Variants in PLCE1 observed in about 807,000 individuals in gnomAD.
The protein encoded by PLCE1 is 1-phosphatidylinositol 4,5-bisphosphate phosphodiesterase epsilon-1.
PLCE1 carries 119 observed loss-of-function variants against 242.8 expected under a neutral mutation model. The ratio of observed to expected loss-of-function variants is 0.49; its 90% CI spans 0.42 to 0.57. The LOEUF (loss-of-function observed/expected upper bound fraction) is 0.57. Among genes scored for constraint, PLCE1 ranks in the 20% least tolerant of loss-of-function variants. PLCE1 has a pLI of 0.00. For missense variants in PLCE1, 2,441 were observed against 2,788.8 expected (o/e 0.88, Z 2.81); for synonymous variants, 945 against 1,017.4 (o/e 0.93, Z 1.35).
At chr10:94,229,942 C>A (rs2050085757) in intron 5 of PLCE1, among the ~76,000 whole-genome samples, 1 of 152,164 alleles carries the variant, frequency 6.6e-6, no homozygotes, top group South Asian at 2.1e-4. Context: ...GCCAGATACT[C>A]TTATGATGCA....
At chr10:94,228,572 G>T (rs920912960) in intron 5 of PLCE1, among the ~76,000 whole-genome samples, 35 of 152,122 alleles carry the variant, frequency 2.3e-4, no homozygotes, top group African/African-American at 8.2e-4. Flanking sequence ...CCTCATGAGG[G>T]TTCTCACTAT....
chr10:94,033,376 A>T (rs146916168), intron 2 of PLCE1, among the ~76,000 whole-genome samples: 68 of 152,180 alleles, frequency 4.5e-4, no homozygotes, highest in Admixed American at 1.3e-3. Context: ...AACCCTTCAG[A>T]CCAAACCAGA....
At chr10:94,201,083 T>C (rs1180989406) in intron 4 of PLCE1, among the ~76,000 whole-genome samples, 3 of 152,234 alleles carry the variant, frequency 2.0e-5, no homozygotes. Flanking sequence ...GTTAATTTAG[T>C]TCATAGTCAT....
Position 94,062,580 on chromosome 10 carries a change from T to TTG in PLCE1, c.1206+30330_1206+30331dup, listed in dbSNP as rs1257286823. Reference sequence around the variant, plus strand: ...AGTGTTAGTTATTGGTTTCTTGGTTTTGTTTTTTTTTTTGTTTTGTTTTGT... The same window carrying TTG: ...AGTGTTAGTTATTGGTTTCTTGGTTTTGTGTTTTTTTTTTTGTTTTGTTTTGT... On this transcript the variant is annotated intron_variant, in intron 2 of 32. Transcript: ENST00000371380. Among the ~76,000 whole-genome samples the TTG allele has an allele frequency of 1.5e-3, 5 of 3,334 alleles. No homozygotes were observed. The East Asian group carries it at 0.05, about 33-fold the overall frequency. 2.2% of individuals were successfully genotyped at this position (3,334 alleles called of 152,430 possible).
chr10:94,024,853 T>A (rs973427138), intron 1 of PLCE1, among the ~76,000 whole-genome samples: 1 of 152,140 alleles, frequency 6.6e-6, no homozygotes, highest in African/African-American at 2.4e-5. Context: ...ATTTCACTCT[T>A]CTGTACTCTT....
chr10:94,150,797 TATATG>T (rs1289655771), intron 3 of PLCE1, among the ~76,000 whole-genome samples: 1 of 152,166 alleles, frequency 6.6e-6, no homozygotes, highest in Non-Finnish European at 1.5e-5. Context: ...CACTCTCCTT[TATATG>T]ATATGAAGCC....
chr10:94,116,823 A>T (rs74151045), intron 2 of PLCE1, among the ~76,000 whole-genome samples: 7,060 of 152,282 alleles, frequency 0.046, 501 homozygotes, highest in African/African-American at 0.15. Context: ...TTCACCTTCT[A>T]AAAGAAGTGC....
intron 1 of PLCE1, among the ~76,000 whole-genome samples, chr10:94,008,741 GTAAA>G (rs1350003756): frequency 6.6e-6 from 1 of 152,166 alleles, no homozygotes; most frequent in Non-Finnish European, 1.5e-5. Flanking sequence ...GAATACTTTG[GTAAA>G]TAGTCAGCCA....
chr10:94,227,518 T>TC, intron 5 of PLCE1, 67 bp downstream of exon 5: 1 of 1,434,120 alleles, frequency 7.0e-7, no homozygotes, highest in Non-Finnish European at 9.8e-7. Context: ...GGCACTGAAT[T>TC]AATTGTCCAG....
chr10:94,171,122 A>G (rs2047960106), intron 3 of PLCE1, 58 bp from the exon 4 acceptor site: 8 of 1,362,736 alleles, frequency 5.9e-6, no homozygotes, highest in South Asian at 2.3e-5. Context: ...TCAAGTAAAT[A>G]TCTGTTGCAG....
At chr10:94,098,146 A>G (rs2045385222) in intron 2 of PLCE1, among the ~76,000 whole-genome samples, 1 of 152,236 alleles carries the variant, frequency 6.6e-6, no homozygotes, top group South Asian at 2.1e-4. Flanking sequence ...GTCGTCAAGG[A>G]GACTGAACTC....
intron 2 of PLCE1, among the ~76,000 whole-genome samples, chr10:94,120,329 A>G (rs1302832515): frequency 6.6e-6 from 1 of 152,200 alleles, no homozygotes; most frequent in Admixed American, 6.5e-5. Context: ...TGAAACTTGA[A>G]GGTCTGTACT....
chr10:94,249,415 GC>G (rs773134625), intron 8 of PLCE1, among the ~76,000 whole-genome samples: 5 of 133,034 alleles, frequency 3.8e-5, no homozygotes, highest in Non-Finnish European at 6.7e-5. Context: ...TCTCTCAGAT[GC>G]CCTAAAGTTA....
rs765181669 is a variant in PLCE1, at chr10:94,313,398, C to T, written c.6132+16C>T. The T allele has an allele frequency of 8.7e-6, 14 of 1,613,874 alleles. No homozygotes were observed. The highest frequency in any genetic ancestry group is 6.7e-5 in the African/African-American group (5 of 74,892). On this transcript the variant is annotated intron_variant, in intron 28 of 32. Coordinates refer to ENST00000371380, the MANE Select transcript of PLCE1 (RefSeq NM_016341.4). The stretch of plus-strand genomic sequence containing the variant: ...TCTGCAGCAAGTAAGTCCACTGAGC[C>T]GTGGTTGGGAGAATCCAAAATCTAA...
At chr10:94,167,231 G>A (rs1347737039) in intron 3 of PLCE1, among the ~76,000 whole-genome samples, 4 of 151,792 alleles carry the variant, frequency 2.6e-5, no homozygotes, top group Non-Finnish European at 4.4e-5. Context: ...GCGGCGGTTC[G>A]TGCCACTGCA....
At chr10:94,132,949 CAA>C (rs33967020) in intron 3 of PLCE1, among the ~76,000 whole-genome samples, 32,111 of 87,592 alleles carry the variant, frequency 0.37, 3,037 homozygotes, top group Middle Eastern at 0.54. Context: ...GACTCCATCT[CAA>C]AAAAAAAAAA....
intron 2 of PLCE1, among the ~76,000 whole-genome samples, chr10:94,119,920 G>A (rs943237440): frequency 6.6e-6 from 1 of 152,162 alleles, no homozygotes; most frequent in Admixed American, 6.5e-5. Flanking sequence ...AGGCATAGAC[G>A]GCTTATCTTT....
At chr10:94,231,084 G>T (rs192443409) in intron 5 of PLCE1, among the ~76,000 whole-genome samples, 3 of 152,248 alleles carry the variant, frequency 2.0e-5, no homozygotes, top group East Asian at 3.9e-4. Context: ...AATTGTAAGT[G>T]GGTTTTCTAT....
intron 2 of PLCE1, among the ~76,000 whole-genome samples, chr10:94,071,253 A>G (rs1283639177): frequency 6.6e-6 from 1 of 151,988 alleles, no homozygotes; most frequent in Non-Finnish European, 1.5e-5. Context: ...TCCCTCTCAC[A>G]CCATCCTGGC....
Sources: allele counts gnomAD v4.1 joint callset (sites outside exome capture counted in the v4.1 genomes callset), GRCh38; gene constraint gnomAD v4.1.1; transcripts MANE v1.5; gene names NCBI Gene and HGNC (gene_info 2026-07-23, HGNC 2026-07-21).